The following CDH13 variants were observed in gnomAD, a reference collection of about 807,000 sequenced individuals.
CDH13 encodes cadherin-13.
In CDH13, 24 loss-of-function variants were observed where a neutral mutation model predicts 63.8. The observed-to-expected ratio is 0.38, with a 90% CI of 0.27 to 0.53. The LOEUF (loss-of-function observed/expected upper bound fraction) is 0.53. Ranked by LOEUF, CDH13 falls within the 20% of genes least tolerant of loss-of-function variation. The pLI, the probability that CDH13 is intolerant of heterozygous loss-of-function variation, is 0.85. For synonymous variants in CDH13, 503 were observed against 355.3 expected, an observed-to-expected ratio of 1.42 and a Z score of -4.67; for missense variants, 1,049 against 903.1, an observed-to-expected ratio of 1.16 and a Z score of -2.07.
chr16:83,501,152 A>T (rs931342679), intron 7 of CDH13, among the ~76,000 whole-genome samples: 10 of 152,246 alleles, frequency 6.6e-5, no homozygotes, highest in African/African-American at 2.4e-4. Flanking sequence ...GCTTCCACAA[A>T]TTCCAACAGG....
intron 8 of CDH13, among the ~76,000 whole-genome samples, chr16:83,632,394 G>A (rs1173426103): frequency 6.6e-6 from 1 of 152,080 alleles, no homozygotes; most frequent in African/African-American, 2.4e-5. Flanking sequence ...TACAGAATAG[G>A]GATTTTGGTA....
At chr16:82,797,546 C>G (rs1415649165) in intron 1 of CDH13, among the ~76,000 whole-genome samples, 1 of 152,174 alleles carries the variant, frequency 6.6e-6, no homozygotes, top group Non-Finnish European at 1.5e-5. Context: ...CAAGAAATTA[C>G]ATCTAGTTAC....
chr16:83,654,063 T>C (rs1414067898), intron 8 of CDH13, among the ~76,000 whole-genome samples: 1 of 151,960 alleles, frequency 6.6e-6, no homozygotes, highest in Non-Finnish European at 1.5e-5. Context: ...AGAGACTTAA[T>C]ACATAGTATA....
At chr16:83,177,690 C>T (rs113799811) in intron 4 of CDH13, among the ~76,000 whole-genome samples, 19 of 152,282 alleles carry the variant, frequency 1.2e-4, no homozygotes, top group South Asian at 4.1e-4. Flanking sequence ...TCAAGACCCA[C>T]GCCTGTTACT....
intron 3 of CDH13, among the ~76,000 whole-genome samples, chr16:83,054,861 C>G (rs1383818656): frequency 6.6e-6 from 1 of 151,968 alleles, no homozygotes; most frequent in Non-Finnish European, 1.5e-5. Context: ...AAATTTGGTT[C>G]TAACAAAATT....
chr16:83,310,745 G>A (rs1395419169), intron 5 of CDH13, among the ~76,000 whole-genome samples: 1 of 152,180 alleles, frequency 6.6e-6, no homozygotes, highest in Admixed American at 6.5e-5. Flanking sequence ...AGTGTCTGCT[G>A]CCCTAGAGCT....
At chr16:83,254,229 A>G (rs1195282122) in intron 5 of CDH13, among the ~76,000 whole-genome samples, 1 of 152,214 alleles carries the variant, frequency 6.6e-6, no homozygotes, top group African/African-American at 2.4e-5. Context: ...TGGGAACCAC[A>G]GCGAAGTCAC....
At chr16:82,726,931 T>G (rs2151029628) in intron 1 of CDH13, among the ~76,000 whole-genome samples, 1 of 152,288 alleles carries the variant, frequency 6.6e-6, no homozygotes, top group East Asian at 1.9e-4. Context: ...CATGACTTAC[T>G]TATTTACACA....
At chr16:83,387,542 C>T (rs755109578) in intron 6 of CDH13, among the ~76,000 whole-genome samples, 39 of 152,134 alleles carry the variant, frequency 2.6e-4, no homozygotes, top group Non-Finnish European at 5.3e-4. Flanking sequence ...ACTGAACAAA[C>T]CTCCTCCCTT....
chr16:83,138,762 A>G (rs2036406527), intron 4 of CDH13, among the ~76,000 whole-genome samples: 1 of 151,646 alleles, frequency 6.6e-6, no homozygotes, highest in South Asian at 2.1e-4. Flanking sequence ...CTGAAGGCTG[A>G]GAAAACCAGG....
intron 6 of CDH13, among the ~76,000 whole-genome samples, chr16:83,465,689 TTGA>T (rs1349990328): frequency 6.6e-6 from 1 of 152,166 alleles, no homozygotes; most frequent in African/African-American, 2.4e-5. Flanking sequence ...TCAGAGACAA[TTGA>T]TGGTCTGTGC....
intron 5 of CDH13, among the ~76,000 whole-genome samples, chr16:83,343,060 G>A (rs1036262107): frequency 2.0e-5 from 3 of 151,338 alleles, no homozygotes; most frequent in Non-Finnish European, 2.9e-5. Context: ...CAGATATTAC[G>A]AGGCTCTGTT....
chr16:83,163,651 C>G (rs374303032), intron 4 of CDH13, among the ~76,000 whole-genome samples: 1 of 152,066 alleles, frequency 6.6e-6, no homozygotes, highest in Non-Finnish European at 1.5e-5. Context: ...CATCTCCACT[C>G]TCTTTCTTTC....
chr16:82,669,153 A>C (rs1005278053), intron 1 of CDH13, among the ~76,000 whole-genome samples: 1 of 152,214 alleles, frequency 6.6e-6, no homozygotes, highest in Non-Finnish European at 1.5e-5. Flanking sequence ...AGTGCATGGC[A>C]TGAAACCCAC....
At chr16:83,145,072 A>G (rs2036691703) in intron 4 of CDH13, among the ~76,000 whole-genome samples, 1 of 152,118 alleles carries the variant, frequency 6.6e-6, no homozygotes, top group Non-Finnish European at 1.5e-5. Context: ...GGGACATTAT[A>G]TTCAATTTTG....
chr16:83,567,661 T>C (rs1904295375), intron 7 of CDH13, among the ~76,000 whole-genome samples: 2 of 152,198 alleles, frequency 1.3e-5, no homozygotes, highest in South Asian at 4.1e-4. Context: ...AGTGGTGCGA[T>C]CTGGGCTCGC....
At chr16:83,244,792 A>G (rs1312445488) in intron 5 of CDH13, among the ~76,000 whole-genome samples, 2 of 152,186 alleles carry the variant, frequency 1.3e-5, no homozygotes, top group Non-Finnish European at 2.9e-5. Flanking sequence ...CCAGGGAGAA[A>G]TAGTGACAAC....
intron 2 of CDH13, among the ~76,000 whole-genome samples, chr16:82,950,485 G>A (rs1261499429): frequency 6.6e-6 from 1 of 152,128 alleles, no homozygotes; most frequent in African/African-American, 2.4e-5. Context: ...TTGTGGTAGT[G>A]AGTAAGTCTC....
intron 2 of CDH13, among the ~76,000 whole-genome samples, chr16:82,883,185 G>A (rs540076294): frequency 8.5e-5 from 13 of 152,328 alleles, no homozygotes; most frequent in South Asian, 6.2e-4. Flanking sequence ...TGCCAGTTCC[G>A]TTGTGGAAAA....
Sources: gnomAD v4.1 joint callset for allele counts (sites outside exome capture counted in the v4.1 genomes callset) on GRCh38, gnomAD v4.1.1 for gene constraint, MANE v1.5 for transcripts, NCBI Gene and HGNC (gene_info 2026-07-23, HGNC 2026-07-21) for gene names.